HIVEP1: variants seen among roughly 807,000 people sequenced by gnomAD.
HIVEP1 encodes zinc finger protein 40.
In HIVEP1, 36 loss-of-function variants were observed where a neutral mutation model predicts 180.0. The ratio of observed to expected loss-of-function variants is 0.20; its 90% CI spans 0.15 to 0.26. HIVEP1 has a LOEUF of 0.26. Among genes scored for constraint, HIVEP1 ranks in the 10% least tolerant of loss-of-function variants. The pLI, the probability that HIVEP1 is intolerant of heterozygous loss-of-function variation, is 1.00. For synonymous variants in HIVEP1, 1,239 were observed against 1,239.0 expected (o/e 1.00, Z 0.00); for missense variants, 3,143 against 3,268.7 (o/e 0.96, Z 0.94).
rs189794229 is a variant in HIVEP1 at position 12,017,323 on chromosome 6, A to G, written c.40+1655A>G. Among the ~76,000 whole-genome samples, 352 of 152,282 alleles carry G rather than the reference A, an allele frequency of 2.3e-3. 1 individual carries two copies. Among genetic ancestry groups the G allele is most frequent in the African/African-American group, 7.5e-3 (312 of 41,554 alleles). On this transcript the variant is annotated intron_variant, in intron 2 of 8. Transcript: ENST00000379388. Reference sequence around the variant, plus strand: ...TAGCTCTTAAAGGTAGCGTGTCCACAGGTTGTTCCTTCTGATGTTCAGATG... The same window carrying G: ...TAGCTCTTAAAGGTAGCGTGTCCACGGGTTGTTCCTTCTGATGTTCAGATG...
chr6:12,015,605 A>G lies in HIVEP1; in HGVS notation c.-24A>G. On this transcript the variant is annotated 5_prime_UTR_variant, in exon 2 of 9. Transcript: ENST00000379388. The stretch of plus-strand genomic sequence containing the variant: ...CTTTATCTGCAGTTTTTAAGAAGAA[A>G]AAGAAGGCCCTGAGTCAAAGAAGAT... 3 of 1,609,914 alleles carry G rather than the reference A, an allele frequency of 1.9e-6. No individual in the cohort carries two copies. The highest frequency in any genetic ancestry group is 1.1e-5 in the South Asian group (1 of 90,454).
chr6:12,094,459 GTC>G (rs1773672594), intron 3 of HIVEP1, among the ~76,000 whole-genome samples: 1 of 151,888 alleles, frequency 6.6e-6, no homozygotes, highest in Non-Finnish European at 1.5e-5. Flanking sequence ...TGGGAAGAGA[GTC>G]TGTATATTTT....
chr6:12,041,420 TAAAAAAA>T (rs34364704), intron 2 of HIVEP1, among the ~76,000 whole-genome samples: 1 of 52,276 alleles, frequency 1.9e-5, no homozygotes, highest in African/African-American at 8.7e-5. Context: ...AGACTCCGTC[TAAAAAAA>T]AAAAAAAAAA....
chr6:12,020,056 A>G (rs16872190), intron 2 of HIVEP1, among the ~76,000 whole-genome samples: 6,696 of 152,290 alleles, frequency 0.044, 189 homozygotes, highest in Middle Eastern at 0.16. Flanking sequence ...GTTGTTTACT[A>G]GAAAAGGTAT....
In HIVEP1 at chr6:12,125,610, A is replaced by G. The variant is rs774809726; in HGVS notation, c.5815A>G (p.Thr1939Ala). The G allele has an allele frequency of 3.1e-6, 5 of 1,614,228 alleles. No homozygotes were observed. The highest frequency in any genetic ancestry group is 3.3e-5 in the Admixed American group (2 of 60,024). Reference sequence around the variant, plus strand: ...GCTGGCTTTCCCTAGCCTGAAAACTACAACCAACTTTACATGGTGTTATCT... The same window carrying G: ...GCTGGCTTTCCCTAGCCTGAAAACTGCAACCAACTTTACATGGTGTTATCT... The part of the protein sequence containing the change: ...QQLAFPSLKT[T>A]TNFTWCYLLR... The change falls in exon 4 of 9, where the codon ACA (threonine) becomes GCA (alanine). Residue 1939 changes from threonine (T) to alanine (A), a missense_variant. Physicochemically the swap from Thr to Ala is moderately conservative, Grantham distance 58 (BLOSUM62 0). This residue lies in a region of HIVEP1 where 1,357 missense variants were observed against 1,260.5 expected (regional missense o/e 1.08). Transcript: ENST00000379388.
At chr6:12,150,129 C>T (rs935549360) in intron 7 of HIVEP1, among the ~76,000 whole-genome samples, 1 of 152,178 alleles carries the variant, frequency 6.6e-6, no homozygotes, top group Non-Finnish European at 1.5e-5. Flanking sequence ...AAGAAATGCT[C>T]ATGGGAAGCC....
intron 3 of HIVEP1, among the ~76,000 whole-genome samples, chr6:12,112,240 G>A (rs1021172647): frequency 2.0e-5 from 3 of 151,940 alleles, no homozygotes; most frequent in South Asian, 2.1e-4. Flanking sequence ...CATGGTTTCC[G>A]TTGAGAAGTC....
chr6:12,122,076 G>A lies in HIVEP1; in HGVS notation c.2281G>A (p.Asp761Asn), dbSNP rs1352270018. The A allele has an allele frequency of 6.2e-7, 1 of 1,614,086 alleles. No homozygotes were observed. The highest frequency in any genetic ancestry group is 8.5e-7 in the Non-Finnish European group (1 of 1,180,030). ...CTCAGACAATGAAGCTTTGGTAGAT[G>A]ACAAGCAACTGGATAGTGTGAAGCC... Reference protein sequence around the residue: ...LISDNEALVDDKQLDSVKPRR... With the variant: ...LISDNEALVDNKQLDSVKPRR... The change falls in exon 4 of 9, where the codon GAC becomes AAC. Residue 761 changes from aspartate to asparagine, a missense_variant. By Grantham distance (23) the Asp-to-Asn change is conservative. Transcript: ENST00000379388.
chr6:12,028,237 T>C (rs756259652), intron 2 of HIVEP1, among the ~76,000 whole-genome samples: 1 of 152,214 alleles, frequency 6.6e-6, no homozygotes, highest in Non-Finnish European at 1.5e-5. Flanking sequence ...CTGTCACTTA[T>C]AAGCCCGTCT....
intron 7 of HIVEP1, 24 bp downstream of exon 7, chr6:12,135,916 C>T: frequency 7.0e-7 from 1 of 1,429,540 alleles, no homozygotes; most frequent in Non-Finnish European, 9.8e-7. Flanking sequence ...CCATATTTTT[C>T]ATAAATGCTA....
chr6:12,123,731 A>G lies in HIVEP1; in HGVS notation c.3936A>G (p.Leu1312=), dbSNP rs1304694623. 6.2e-7 allele frequency: 1 copy of G among 1,613,864 alleles called. No homozygotes were observed. Among genetic ancestry groups the G allele is most frequent in the East Asian group, 2.2e-5 (1 of 44,894 alleles). ...GGAGTCTAAGTAGGGAGAGCAGTTT[A>G]TCTCACACTTCAAGTTTCTCAGCCT... is the stretch of plus-strand genomic sequence containing the variant. ...LSRSLSRESS[L]SHTSSFSASL... Residue 1312 remains leucine, a synonymous_variant, in exon 4 of 9, where the codon TTA becomes TTG. Coordinates refer to ENST00000379388, the MANE Select transcript of HIVEP1 (RefSeq NM_002114.4).
intron 3 of HIVEP1, among the ~76,000 whole-genome samples, chr6:12,106,158 G>A (rs1364659738): frequency 6.6e-6 from 1 of 151,416 alleles, no homozygotes; most frequent in Non-Finnish European, 1.5e-5. Flanking sequence ...AGAAAATATT[G>A]TCTTAACCAT....
Position 12,124,798 on chromosome 6 carries a change from C to G in HIVEP1, c.5003C>G (p.Pro1668Arg). The G allele has an allele frequency of 1.2e-6, 2 of 1,614,130 alleles. No individual in the cohort carries two copies. The highest frequency in any genetic ancestry group is 1.7e-6 in the Non-Finnish European group (2 of 1,179,998). Residue 1668 changes from proline (P) to arginine (R), a missense_variant, in exon 4 of 9, where the codon CCA becomes CGA. Pro to Arg is a moderately radical substitution (Grantham distance 103, BLOSUM62 -2). Coordinates refer to ENST00000379388, the MANE Select transcript of HIVEP1 (RefSeq NM_002114.4). ...ILVTQDLPNQ[P>R]ICQTNHSVVP... is the part of the protein sequence containing the mutation. Reference sequence around the variant, plus strand: ...GTGACCCAAGATCTGCCCAATCAGCCAATTTGCCAGACTAATCATAGTGTA... The same window carrying G: ...GTGACCCAAGATCTGCCCAATCAGCGAATTTGCCAGACTAATCATAGTGTA...
chr6:12,150,837 G>T (rs566273334), intron 7 of HIVEP1, among the ~76,000 whole-genome samples: 54 of 151,940 alleles, frequency 3.6e-4, no homozygotes, highest in African/African-American at 1.3e-3. Flanking sequence ...TTTTCCCTAG[G>T]TTGCCATTGT....
At chr6:12,167,624 A>G, downstream of HIVEP1, among the ~76,000 whole-genome samples, 1 of 120,696 alleles carries the variant, frequency 8.3e-6, no homozygotes, top group Admixed American at 8.2e-5. Context: ...ACATGTATAT[A>G]TACATGTTAT....
intron 7 of HIVEP1, among the ~76,000 whole-genome samples, chr6:12,142,963 G>A (rs577808481): frequency 1.2e-4 from 18 of 152,294 alleles, no homozygotes; most frequent in Admixed American, 1.0e-3. Flanking sequence ...GTACAAAGAG[G>A]AGCTGGTACC....
At chr6:12,055,105 A>G (rs1770773103) in intron 2 of HIVEP1, among the ~76,000 whole-genome samples, 1 of 152,252 alleles carries the variant, frequency 6.6e-6, no homozygotes, top group Admixed American at 6.5e-5. Flanking sequence ...TATACTTGCA[A>G]TAAACATTAC....
At chr6:12,018,768 T>A (rs535992024) in intron 2 of HIVEP1, among the ~76,000 whole-genome samples, 26 of 152,232 alleles carry the variant, frequency 1.7e-4, no homozygotes, top group African/African-American at 6.3e-4. Context: ...GTGAAATAAC[T>A]TGGGGACTCT....
intron 3 of HIVEP1, among the ~76,000 whole-genome samples, chr6:12,116,654 G>A (rs1266083428): frequency 6.6e-6 from 1 of 152,024 alleles, no homozygotes; most frequent in African/African-American, 2.4e-5. Context: ...CCTTGAACAA[G>A]GACAGTGAAC....
Sources: gnomAD v4.1 joint callset for allele counts (sites outside exome capture counted in the v4.1 genomes callset) on GRCh38, gnomAD v4.1.1 for gene constraint, gnomAD v4.1.1 regional missense constraint, MANE v1.5 for transcripts, NCBI Gene and HGNC (gene_info 2026-07-23, HGNC 2026-07-21) for gene names.